ETV7: variants seen among roughly 807,000 people sequenced by gnomAD.
ETV7 encodes ETS variant transcription factor 7, also known as transcription factor ETV7.
In ETV7, 43 loss-of-function variants were observed where a neutral mutation model predicts 39.1. The ratio of observed to expected loss-of-function variants is 1.10; its 90% CI spans 0.86 to 1.42. The LOEUF (loss-of-function observed/expected upper bound fraction) is 1.42, where lower values mean the gene tolerates loss of function less well. ETV7 is among the 40% of genes most tolerant of loss of function. The probability of loss-of-function intolerance (pLI) is 0.00; values close to 1 mark genes in which losing one functional copy is unlikely to be tolerated. For missense variants in ETV7, 432 were observed against 442.3 expected, an observed-to-expected ratio of 0.98 and a Z score of 0.21; for synonymous variants, 196 against 176.6, an observed-to-expected ratio of 1.11 and a Z score of -0.87.
downstream of ETV7, among the ~76,000 whole-genome samples, chr6:36,362,065 G>A (rs1318651937): frequency 6.6e-6 from 1 of 152,206 alleles, no homozygotes; most frequent in Non-Finnish European, 1.5e-5. Context: ...TTGGGAGACT[G>A]AGGCAGGCGG....
chr6:36,368,974 T>A lies in ETV7; in HGVS notation c.762A>T (p.Arg254=). The change falls in exon 6 of 8, where the codon CGA becomes CGT. Residue 254 remains arginine (R), a synonymous_variant. Coordinates refer to ENST00000340181, the MANE Select transcript of ETV7 (RefSeq NM_016135.4). ...KWEDKDAKIF[R]VVDPNGLARL... ...TGGCGAGCCCATTTGGATCCACAACTCGGAAGATCTTGGCGTCCTTGTCTT... is the reference window on the plus strand; with the variant it reads ...TGGCGAGCCCATTTGGATCCACAACACGGAAGATCTTGGCGTCCTTGTCTT... 1.2e-6 allele frequency: 2 copies of A among 1,614,188 alleles called. No homozygotes were observed. The highest frequency in any genetic ancestry group is 1.7e-6 in the Non-Finnish European group (2 of 1,180,028).
At chr6:36,376,420 AC>A (rs1211994628) in intron 2 of ETV7, among the ~76,000 whole-genome samples, 1 of 152,236 alleles carries the variant, frequency 6.6e-6, no homozygotes, top group Admixed American at 6.5e-5. Context: ...AGTGCCTGGA[AC>A]ACAGTAGGTG....
intron 6 of ETV7, 22 bp from the exon 7 acceptor site, chr6:36,366,997 C>T (rs775619824): frequency 3.8e-6 from 6 of 1,592,130 alleles, no homozygotes; most frequent in Non-Finnish European, 5.2e-6. Context: ...AGCAGCCCCA[C>T]ATCAGCCCCA....
At chr6:36,364,701 G>C (rs1391525507), downstream of ETV7, among the ~76,000 whole-genome samples, 3 of 152,186 alleles carry the variant, frequency 2.0e-5, no homozygotes, top group Non-Finnish European at 4.4e-5. Context: ...TGGGATGAAG[G>C]GCTCCTCAAG....
intron 6 of ETV7, 45 bp downstream of exon 6, chr6:36,368,884 T>C (rs1772855238): frequency 6.2e-7 from 1 of 1,613,682 alleles, no homozygotes; most frequent in Non-Finnish European, 8.5e-7. Flanking sequence ...CCCAACTCTG[T>C]CCCCTTCTGG....
intron 7 of ETV7, among the ~76,000 whole-genome samples, chr6:36,357,845 T>C (rs1176518261): frequency 6.6e-6 from 1 of 151,932 alleles, no homozygotes; most frequent in African/African-American, 2.4e-5. Context: ...ACCACTGCAC[T>C]CCAGCCCAGG....
downstream of ETV7, among the ~76,000 whole-genome samples, chr6:36,362,216 G>A (rs555126593): frequency 1.7e-3 from 262 of 152,182 alleles, no homozygotes; most frequent in South Asian, 0.017. Context: ...GCAGGAGAAT[G>A]GCGTGAACCC....
Position 36,371,541 on chromosome 6 carries a change from C to T in ETV7, c.453G>A (p.Gln151=). 6.3e-7 allele frequency: 1 copy of T among 1,596,276 alleles called. No homozygotes were observed. The highest frequency in any genetic ancestry group is 8.5e-7 in the Non-Finnish European group (1 of 1,172,880). The change falls in exon 5 of 8, where the codon CAG becomes CAA. Residue 151 remains glutamine, a synonymous_variant. Coordinates refer to ENST00000340181, the MANE Select transcript of ETV7 (RefSeq NM_016135.4). ...VPPEEVTGPS[Q]MDTRRGHLLQ... ...GCAGGTGGCCCCTTCGGGTGTCCATCTGAGAGGGGCCAGTCACCTCTGCAA... is the reference window on the plus strand; with the variant it reads ...GCAGGTGGCCCCTTCGGGTGTCCATTTGAGAGGGGCCAGTCACCTCTGCAA...
At chr6:36,363,388 T>A (rs374841741), downstream of ETV7, among the ~76,000 whole-genome samples, 1 of 151,900 alleles carries the variant, frequency 6.6e-6, no homozygotes, top group African/African-American at 2.4e-5. Flanking sequence ...CCCCGTGGGC[T>A]CATGGGCTCG....
chr6:36,356,346 A>AAAACAC (rs1281519031), intron 7 of ETV7, among the ~76,000 whole-genome samples: 1 of 151,898 alleles, frequency 6.6e-6, no homozygotes, highest in African/African-American at 2.4e-5. Flanking sequence ...AAAACAAAAA[A>AAAACAC]AAACACAAAC....
At chr6:36,366,807 C>T (rs1435708757) in intron 7 of ETV7, 45 bp from the exon 8 acceptor site, 1 of 1,613,196 alleles carries the variant, frequency 6.2e-7, no homozygotes, top group Non-Finnish European at 8.5e-7. Context: ...GCCCCAGCTG[C>T]AGGGGGATTC....
At position 36,366,461 on chromosome 6, in the gene ETV7, A is replaced by T; in HGVS notation, c.*184T>A. 1.4e-6 allele frequency: 2 copies of T among 1,458,562 alleles called. No homozygotes were observed. Among genetic ancestry groups the T allele is most frequent in the East Asian group, 4.8e-5 (2 of 41,386 alleles). The allele number at this position is 1,458,562 out of a possible 1,614,324, so 90.4% of individuals were successfully genotyped here. On this transcript the variant is annotated 3_prime_UTR_variant, in exon 8 of 8. Transcript: ENST00000340181. ...GCCCCAGGATTGCCCTGCCCAAAAG[A>T]TGACACTCCTGCCCCCAGTGTCCTG... is the stretch of plus-strand genomic sequence containing the variant.
intron 2 of ETV7, among the ~76,000 whole-genome samples, chr6:36,376,856 G>A (rs1175111939): frequency 6.6e-6 from 1 of 151,796 alleles, no homozygotes; most frequent in Non-Finnish European, 1.5e-5. Flanking sequence ...TAAGTGACTA[G>A]CCCACACGCA....
intron 7 of ETV7, among the ~76,000 whole-genome samples, chr6:36,356,336 A>C (rs1561895660): frequency 1.3e-5 from 2 of 151,024 alleles, no homozygotes; most frequent in African/African-American, 2.4e-5. Flanking sequence ...AAAAAAAAAA[A>C]AAACAAAAAA....
At chr6:36,375,266 C>T (rs916797800) in intron 3 of ETV7, among the ~76,000 whole-genome samples, 1 of 152,048 alleles carries the variant, frequency 6.6e-6, no homozygotes, top group East Asian at 1.9e-4. Flanking sequence ...ACAAAAGAGC[C>T]ACTGAAAACA....
chr6:36,380,418 A>C (rs1241712487), intron 2 of ETV7, among the ~76,000 whole-genome samples: 1 of 152,228 alleles, frequency 6.6e-6, no homozygotes, highest in Non-Finnish European at 1.5e-5. Flanking sequence ...CTGCTAACTG[A>C]GGATTTCCAG....
intron 2 of ETV7, among the ~76,000 whole-genome samples, chr6:36,379,486 T>C (rs1160956471): frequency 6.6e-6 from 1 of 150,814 alleles, no homozygotes; most frequent in East Asian, 1.9e-4. Flanking sequence ...AGTTCACGGA[T>C]GCAATGAGCT....
In ETV7 at chr6:36,385,618, G is replaced by A; in HGVS notation, c.58C>T (p.Leu20=). The change falls in exon 2 of 8, where the codon CTA becomes TTA. Residue 20 remains leucine (L), a synonymous_variant. Transcript: ENST00000340181. Reference sequence around the variant, plus strand: ...CATCTGGCTTGCACGTGGGTGCCTAGGGGAGGCATGGCTGCCACAGGGCTT... The same window carrying A: ...CATCTGGCTTGCACGTGGGTGCCTAAGGGAGGCATGGCTGCCACAGGGCTT... The part of the protein sequence containing the change: ...PISPVAAMPP[L]GTHVQARCEA... 6.2e-7 allele frequency: 1 copy of A among 1,614,178 alleles called. No homozygotes were observed.
At chr6:36,372,518 T>C (rs1773083291) in intron 4 of ETV7, among the ~76,000 whole-genome samples, 1 of 150,816 alleles carries the variant, frequency 6.6e-6, no homozygotes, top group South Asian at 2.1e-4. Context: ...GAGGACGTTC[T>C]CCAGAGGCAA....
Sources: allele counts gnomAD v4.1 joint callset (sites outside exome capture counted in the v4.1 genomes callset), GRCh38; gene constraint gnomAD v4.1.1; transcripts MANE v1.5; gene names NCBI Gene and HGNC (gene_info 2026-07-23, HGNC 2026-07-21).